PPP1R3F: variants seen among roughly 807,000 people sequenced by gnomAD.
PPP1R3F encodes protein phosphatase 1 regulatory subunit 3F, also known as protein phosphatase 1, regulatory (inhibitor) subunit 3F.
Under a neutral mutation model 24.2 loss-of-function variants are expected in PPP1R3F, and 29 were observed. The observed-to-expected ratio is 1.20, with a 90% CI of 0.89 to 1.63. The LOEUF (loss-of-function observed/expected upper bound fraction) is 1.63. Ranked by LOEUF, PPP1R3F falls within the 40% of genes most tolerant of loss-of-function variation. PPP1R3F has a pLI of 0.00. For missense variants in PPP1R3F, 823 were observed against 729.3 expected (o/e 1.13, Z -1.48); for synonymous variants, 363 against 340.1 (o/e 1.07, Z -0.74).
intron 1 of PPP1R3F, chrX:49,275,362 C>T (rs1557119902): frequency 9.0e-6 from 1 of 111,475 alleles, no homozygotes; most frequent in African/African-American, 3.3e-5. Flanking sequence ...CTTCATGTAT[C>T]CAAACTCGGC....
At chrX:49,281,665 T>TAA (rs782136082) in intron 2 of PPP1R3F, among the ~76,000 whole-genome samples, 2 of 92,561 alleles carry the variant, frequency 2.2e-5, no homozygotes, top group Non-Finnish European at 4.4e-5. Context: ...CCTCATCTCT[T>TAA]AAAAAAAAAA....
intron 1 of PPP1R3F, among the ~76,000 whole-genome samples, chrX:49,276,736 C>G (rs1329602677): frequency 8.9e-6 from 1 of 112,073 alleles, no homozygotes; most frequent in Non-Finnish European, 1.9e-5. Flanking sequence ...TGCTCTCCCT[C>G]TACCCCACTG....
At chrX:49,293,483 C>T (rs1252335533) in intron 3 of PPP1R3F, among the ~76,000 whole-genome samples, 1 of 111,877 alleles carries the variant, frequency 8.9e-6, no homozygotes. Context: ...CCCAATTATA[C>T]ATCATCAGGA....
chrX:49,277,324 C>T lies in PPP1R3F; in HGVS notation c.1005-4082C>T, dbSNP rs782306842. 1.8e-3 allele frequency among the ~76,000 whole-genome samples: 200 copies of T among 112,303 alleles called. 2 individuals carry two copies. The highest frequency in any genetic ancestry group is 9.8e-4 in the Non-Finnish European group (52 of 53,205). On this transcript the variant is annotated intron_variant, in intron 1 of 3. Coordinates refer to ENST00000055335, the MANE Select transcript of PPP1R3F (RefSeq NM_033215.5). ...GGAATTTGCACGCCCAGGAGACTGG[C>T]GTGCAGGCCTGAGATGGCCCCTTTT... is the stretch of plus-strand genomic sequence containing the variant.
chrX:49,281,237 G>A, intron 1 of PPP1R3F, 169 bp from the exon 2 acceptor site: 1 of 327,960 alleles, frequency 3.0e-6, no homozygotes, highest in Non-Finnish European at 5.3e-6. Flanking sequence ...TTTCTATAAT[G>A]AGGCTGTAGG....
At chrX:49,297,032 C>T (rs1427001517) in intron 3 of PPP1R3F, among the ~76,000 whole-genome samples, 2 of 109,925 alleles carry the variant, frequency 1.8e-5, no homozygotes, top group Admixed American at 9.8e-5. Flanking sequence ...CTATTAGGCC[C>T]GCTTGGTCCA....
Position 49,270,701 on chromosome X carries a change from G to A in PPP1R3F, c.832G>A (p.Gly278Ser), listed in dbSNP as rs367843683. Residue 278 changes from glycine (G) to serine (S), a missense_variant, in exon 1 of 4, where the codon GGC (glycine) becomes AGC (serine). Transcript: ENST00000055335. Reference sequence around the variant, plus strand: ...GGGCACTTTCTGGGCCAACAACCACGGCCGCAACTACACAGTCCTGCTCCG... The same window carrying A: ...GGGCACTTTCTGGGCCAACAACCACAGCCGCAACTACACAGTCCTGCTCCG... ...PEGTFWANNH[G>S]RNYTVLLRIA... The A allele has an allele frequency of 4.1e-6, 5 of 1,207,406 alleles. No homozygotes were observed. The highest frequency in any genetic ancestry group is 1.8e-5 in the South Asian group (1 of 56,364).
chrX:49,286,565 A>G lies in PPP1R3F; in HGVS notation c.1875A>G (p.Gly625=), dbSNP rs369847542. ...GGCTCCCATGGGCAGAGGGCTCAGG[A>G]TGTGACGGCCCTGTGGTTCTGGGTA... ...DVWLPWAEGS[G]CDGPVVLGTE... is the part of the protein sequence containing the mutation. The change falls in exon 4 of 4, where the codon GGA becomes GGG. Residue 625 remains glycine (G), a synonymous_variant. Transcript: ENST00000055335. 4.4e-5 allele frequency: 53 copies of G among 1,210,015 alleles called. No individual in the cohort carries two copies. The highest frequency in any genetic ancestry group is 3.3e-4 in the East Asian group (11 of 33,722).
chrX:49,296,134 A>G (rs781808584), intron 3 of PPP1R3F, among the ~76,000 whole-genome samples: 3 of 111,827 alleles, frequency 2.7e-5, no homozygotes, highest in Non-Finnish European at 5.6e-5. Context: ...TTGGCTGTGA[A>G]TCCATCTGGT....
At position 49,283,529 on chromosome X, in the gene PPP1R3F, G is replaced by A. The variant is rs182489549; in HGVS notation, c.1143+1466G>A. On this transcript the variant is annotated intron_variant, in intron 3 of 3. Coordinates refer to ENST00000055335, the MANE Select transcript of PPP1R3F (RefSeq NM_033215.5). ...TTAGAAAATAAACGGTAATTCCTCA[G>A]TATCATCAAGTATTTGGTCAGTGTT... 7.3e-3 allele frequency among the ~76,000 whole-genome samples: 820 copies of A among 111,661 alleles called. 6 individuals are homozygous for A. Among genetic ancestry groups the A allele is most frequent in the Non-Finnish European group, 0.011 (591 of 53,126 alleles).
downstream of PPP1R3F, among the ~76,000 whole-genome samples, chrX:49,288,916 G>A (rs1326500915): frequency 3.6e-5 from 4 of 111,167 alleles, no homozygotes; most frequent in Non-Finnish European, 7.6e-5. Context: ...CTAGATGGGC[G>A]GATCAGGAGT....
At position 49,286,248 on chromosome X, in the gene PPP1R3F, A is replaced by T. The variant is rs1221837629; in HGVS notation, c.1558A>T (p.Met520Leu). Residue 520 changes from methionine to leucine, a missense_variant, in exon 4 of 4, where the codon ATG (methionine) becomes TTG (leucine). Transcript: ENST00000055335. ...TGGGGAGGGCTCCACAGATGGAGGG[A>T]TGTCCCCCAGCCATCCCCTGGGCAT... ...GGGEGSTDGG[M>L]SPSHPLGILT... 8.3e-7 allele frequency: 1 copy of T among 1,208,945 alleles called. No homozygotes were observed. The highest frequency in any genetic ancestry group is 2.2e-5 in the Admixed American group (1 of 45,852).
At chrX:49,291,288 T>TTCTCTCTCTCTCTCTCTCTCTC (rs781932322), downstream of PPP1R3F, among the ~76,000 whole-genome samples, 42 of 50,602 alleles carry the variant, frequency 8.3e-4, no homozygotes, top group African/African-American at 1.6e-3. Context: ...CAGCCTACTT[T>TTCTCTCTCTCTCTCTCTCTCTC]TCTCTCTCTC....
In PPP1R3F at chrX:49,270,495, G is replaced by C. The variant is rs1484418954; in HGVS notation, c.626G>C (p.Gly209Ala). The C allele has an allele frequency of 8.3e-7, 1 of 1,204,793 alleles. No individual in the cohort carries two copies. The highest frequency in any genetic ancestry group is 1.7e-5 in the African/African-American group (1 of 57,662). ...VPRSPPWAGA[G>A]GTGAGDPILD... ...CGCAGCCCGCCGTGGGCAGGAGCGG[G>C]AGGAACAGGAGCAGGAGATCCCATC... The change falls in exon 1 of 4, where the codon GGA (glycine) becomes GCA (alanine). Residue 209 changes from glycine to alanine, a missense_variant. Physicochemically the swap from Gly to Ala is moderately conservative, Grantham distance 60 (BLOSUM62 0). Coordinates refer to ENST00000055335, the MANE Select transcript of PPP1R3F (RefSeq NM_033215.5).
chrX:49,291,288 TTCTCTC>T (rs781932322), downstream of PPP1R3F, among the ~76,000 whole-genome samples: 2,070 of 50,549 alleles, frequency 0.041, 57 homozygotes, highest in African/African-American at 0.087. Flanking sequence ...CAGCCTACTT[TTCTCTC>T]TCTCTCTCTC....
At chrX:49,275,464 C>T (rs898551042) in intron 1 of PPP1R3F, 1 of 111,821 alleles carries the variant, frequency 8.9e-6, no homozygotes, top group Non-Finnish European at 1.9e-5. Context: ...CCCAAGCAGC[C>T]TCTCACTCCC....
intron 3 of PPP1R3F, among the ~76,000 whole-genome samples, chrX:49,298,558 TGTCTTGCTAG>T (rs1394698221): frequency 1.8e-5 from 2 of 111,957 alleles, no homozygotes; most frequent in African/African-American, 6.5e-5. Context: ...AATCTTGGCC[TGTCTTGCTAG>T]GTTGGGGAAG....
In PPP1R3F at chrX:49,272,579, G is replaced by A. The variant is rs371760085; in HGVS notation, c.1004+1706G>A. 1.6e-4 allele frequency among the ~76,000 whole-genome samples: 18 copies of A among 112,903 alleles called. No individual in the cohort carries two copies. The East Asian group carries it at 3.0e-3, about 19-fold the overall frequency. ...TTTCCTGGATTCCTCTCCTAAATTCGGCTCCGCCCATCAGCTGTGTGGCCT... is the reference window on the plus strand; with the variant it reads ...TTTCCTGGATTCCTCTCCTAAATTCAGCTCCGCCCATCAGCTGTGTGGCCT... On this transcript the variant is annotated intron_variant, in intron 1 of 3. Coordinates refer to ENST00000055335, the MANE Select transcript of PPP1R3F (RefSeq NM_033215.5).
In PPP1R3F at chrX:49,270,798, C is replaced by T. The variant is rs201255108; in HGVS notation, c.929C>T (p.Pro310Leu). 1.8e-4 allele frequency: 218 copies of T among 1,191,809 alleles called. No homozygotes were observed. In the East Asian group the frequency reaches 3.3e-3, roughly 18 times the overall value. Residue 310 changes from proline to leucine, a missense_variant, in exon 1 of 4, where the codon CCA becomes CTA. Physicochemically the swap from Pro to Leu is moderately conservative, Grantham distance 98 (BLOSUM62 -3). Transcript: ENST00000055335. ...PQQQQLPQLE[P>L]QPECQGPVEA... ...CAGCAGCAGCTGCCGCAGCTGGAGC[C>T]ACAGCCCGAGTGCCAGGGTCCCGTG...
Sources: gnomAD v4.1 joint callset for allele counts (sites outside exome capture counted in the v4.1 genomes callset) on GRCh38, gnomAD v4.1.1 for gene constraint, MANE v1.5 for transcripts, NCBI Gene and HGNC (gene_info 2026-07-23, HGNC 2026-07-21) for gene names.